Variants in SEMA5A observed in about 807,000 individuals in gnomAD.
SEMA5A encodes the protein semaphorin-5A.
Under a neutral mutation model 135.5 loss-of-function variants are expected in SEMA5A, and 55 were observed. The ratio of observed to expected loss-of-function variants is 0.41; its 90% CI spans 0.33 to 0.51. The LOEUF is 0.51. SEMA5A is among the 20% of genes least tolerant of loss of function. The pLI, the probability that SEMA5A is intolerant of heterozygous loss-of-function variation, is 0.37. For synonymous variants in SEMA5A, 580 were observed against 546.5 expected, an observed-to-expected ratio of 1.06 and a Z score of -0.85; for missense variants, 1,290 against 1,419.9, an observed-to-expected ratio of 0.91 and a Z score of 1.47.
At chr5:9,218,159 C>T (rs1746734670) in intron 8 of SEMA5A, among the ~76,000 whole-genome samples, 2 of 152,080 alleles carry the variant, frequency 1.3e-5, no homozygotes, top group South Asian at 4.1e-4. Context: ...CATGGGTTTA[C>T]CTTTGTAACA....
intron 11 of SEMA5A, among the ~76,000 whole-genome samples, chr5:9,157,778 T>C (rs1020122763): frequency 1.3e-5 from 2 of 152,182 alleles, no homozygotes; most frequent in Admixed American, 1.3e-4. Context: ...AGGTGACAAA[T>C]GACAATGTTA....
At chr5:9,329,313 C>T (rs1163462153) in intron 4 of SEMA5A, among the ~76,000 whole-genome samples, 1 of 152,204 alleles carries the variant, frequency 6.6e-6, no homozygotes, top group Admixed American at 6.5e-5. Flanking sequence ...TATGTGCCAA[C>T]TACTCGTCTC....
intron 1 of SEMA5A, among the ~76,000 whole-genome samples, chr5:9,443,884 G>T (rs1272104627): frequency 6.6e-6 from 1 of 152,210 alleles, no homozygotes; most frequent in Non-Finnish European, 1.5e-5. Context: ...ATGCACAAAA[G>T]CTTGAGGTGA....
intron 1 of SEMA5A, among the ~76,000 whole-genome samples, chr5:9,533,369 A>C (rs1284557883): frequency 1.3e-5 from 2 of 152,230 alleles, no homozygotes; most frequent in African/African-American, 4.8e-5. Context: ...GTTTGTCCAT[A>C]AGATTTTTAA....
At chr5:9,173,236 C>G (rs1418681450) in intron 11 of SEMA5A, among the ~76,000 whole-genome samples, 4 of 150,000 alleles carry the variant, frequency 2.7e-5, no homozygotes, top group East Asian at 2.0e-4. Context: ...GCACTTACTA[C>G]AGTCAGAAAA....
At chr5:9,064,718 C>A (rs1579327936) in intron 17 of SEMA5A, among the ~76,000 whole-genome samples, 1 of 152,196 alleles carries the variant, frequency 6.6e-6, no homozygotes, top group East Asian at 1.9e-4. Context: ...CAGAGCGAGA[C>A]CCTGTCTCAA....
intron 1 of SEMA5A, among the ~76,000 whole-genome samples, chr5:9,524,820 T>C (rs912884096): frequency 6.6e-6 from 1 of 152,190 alleles, no homozygotes; most frequent in African/African-American, 2.4e-5. Flanking sequence ...TAATGAACTA[T>C]TAGTTTTCTT....
At chr5:9,150,908 T>A (rs1487382285) in intron 12 of SEMA5A, among the ~76,000 whole-genome samples, 1 of 152,130 alleles carries the variant, frequency 6.6e-6, no homozygotes, top group Admixed American at 6.6e-5. Context: ...ATCCAGCAGC[T>A]CCTTCAGCTG....
At chr5:9,504,130 G>A (rs1411275088) in intron 1 of SEMA5A, among the ~76,000 whole-genome samples, 5 of 148,506 alleles carry the variant, frequency 3.4e-5, no homozygotes, top group Non-Finnish European at 5.9e-5. Context: ...CAGGAGAATC[G>A]CTTAAACCCA....
At chr5:9,452,275 G>A (rs1758673077) in intron 1 of SEMA5A, among the ~76,000 whole-genome samples, 1 of 152,200 alleles carries the variant, frequency 6.6e-6, no homozygotes, top group Admixed American at 6.5e-5. Context: ...GCCAGAGGGA[G>A]CCCCCTTCTC....
intron 9 of SEMA5A, among the ~76,000 whole-genome samples, chr5:9,197,567 G>A (rs1447013257): frequency 6.6e-6 from 1 of 152,134 alleles, no homozygotes; most frequent in Non-Finnish European, 1.5e-5. Context: ...AGTTGCAACA[G>A]GGGCAAGAGG....
intron 18 of SEMA5A, among the ~76,000 whole-genome samples, chr5:9,062,256 C>A (rs1370275921): frequency 2.0e-5 from 3 of 152,172 alleles, no homozygotes; most frequent in African/African-American, 4.8e-5. Context: ...GGAGGTCCCA[C>A]TGTGGCCCGG....
Position 9,318,664 on chromosome 5 carries a change from G to A in SEMA5A, c.225-247C>T, listed in dbSNP as rs140801282. Among the ~76,000 whole-genome samples, 436 of 152,178 alleles carry A rather than the reference G, an allele frequency of 2.9e-3. 2 individuals are homozygous for A. Among genetic ancestry groups the A allele is most frequent in the African/African-American group, 0.01 (418 of 41,516 alleles). On this transcript the variant is annotated intron_variant, in intron 4 of 22. Transcript: ENST00000382496. ...GTGGGGTGTGTCTGTACATACTTAC[G>A]GTAAGTGTAAGTCATTAACTGGATC...
intron 5 of SEMA5A, among the ~76,000 whole-genome samples, chr5:9,252,016 C>T (rs947758284): frequency 5.9e-5 from 9 of 152,156 alleles, no homozygotes; most frequent in Non-Finnish European, 7.4e-5. Context: ...CTCCAGGGTC[C>T]ACAATCTTAA....
intron 1 of SEMA5A, among the ~76,000 whole-genome samples, chr5:9,484,470 A>G (rs1760000924): frequency 6.6e-6 from 1 of 152,232 alleles, no homozygotes; most frequent in Non-Finnish European, 1.5e-5. Flanking sequence ...AGTCAATGAC[A>G]CTAAATGGAA....
chr5:9,338,522 T>C (rs1312576350), intron 3 of SEMA5A, among the ~76,000 whole-genome samples: 1 of 152,220 alleles, frequency 6.6e-6, no homozygotes. Context: ...AGAGATAGGA[T>C]GCTGCTTCAA....
chr5:9,339,517 A>G (rs1753550453), intron 3 of SEMA5A, among the ~76,000 whole-genome samples: 1 of 152,252 alleles, frequency 6.6e-6, no homozygotes, highest in Admixed American at 6.5e-5. Flanking sequence ...ACAAAACAGC[A>G]CATTGAATGC....
At chr5:9,318,342 G>C (rs1004245118) in intron 5 of SEMA5A, 30 bp downstream of exon 5, 2 of 1,599,372 alleles carry the variant, frequency 1.3e-6, no homozygotes, top group Non-Finnish European at 1.7e-6. Context: ...GATGGAAAAT[G>C]AAAGCTTGAG....
chr5:9,450,652 A>C (rs762452351), intron 1 of SEMA5A, among the ~76,000 whole-genome samples: 4 of 152,060 alleles, frequency 2.6e-5, no homozygotes, highest in Non-Finnish European at 4.4e-5. Flanking sequence ...AGTTTGAAGG[A>C]GCTTTCTTCT....
Sources: gnomAD v4.1 joint callset for allele counts (sites outside exome capture counted in the v4.1 genomes callset) on GRCh38, gnomAD v4.1.1 for gene constraint, MANE v1.5 for transcripts, NCBI Gene and HGNC (gene_info 2026-07-23, HGNC 2026-07-21) for gene names.